PDE4D: variants seen among roughly 807,000 people sequenced by gnomAD.
PDE4D encodes the protein phosphodiesterase 4D.
Under a neutral mutation model 87.4 loss-of-function variants are expected in PDE4D, and 24 were observed. The observed-to-expected ratio is 0.27, with a 90% CI of 0.20 to 0.39. The LOEUF is 0.39. Among genes scored for constraint, PDE4D ranks in the 10% least tolerant of loss-of-function variants. PDE4D has a pLI of 1.00. For missense variants in PDE4D, 714 were observed against 1,041.0 expected, an observed-to-expected ratio of 0.69 and a Z score of 4.32; for synonymous variants, 384 against 383.2, an observed-to-expected ratio of 1.00 and a Z score of -0.02.
chr5:60,017,166 C>G (rs1386288096), intron 2 of PDE4D, among the ~76,000 whole-genome samples: 1 of 152,082 alleles, frequency 6.6e-6, no homozygotes, highest in Non-Finnish European at 1.5e-5. Flanking sequence ...ATCTCTTTTT[C>G]CTAAGCAGTA....
intron 1 of PDE4D, among the ~76,000 whole-genome samples, chr5:59,365,852 A>G (rs1246857848): frequency 6.6e-6 from 1 of 152,170 alleles, no homozygotes; most frequent in Non-Finnish European, 1.5e-5. Flanking sequence ...AAAACTGACA[A>G]ACGGTCCCTT....
intron 1 of PDE4D, among the ~76,000 whole-genome samples, chr5:60,235,752 C>G (rs1350881132): frequency 6.6e-6 from 1 of 151,930 alleles, no homozygotes; most frequent in Non-Finnish European, 1.5e-5. Flanking sequence ...GCATTACCCA[C>G]TTTCTTAATA....
At chr5:59,410,833 A>T (rs1369957106) in intron 1 of PDE4D, among the ~76,000 whole-genome samples, 1 of 152,092 alleles carries the variant, frequency 6.6e-6, no homozygotes, top group African/African-American at 2.4e-5. Context: ...TTTTTAGACA[A>T]TTTTTATAGA....
At chr5:60,180,204 A>G (rs1784265113) in intron 2 of PDE4D, among the ~76,000 whole-genome samples, 1 of 152,214 alleles carries the variant, frequency 6.6e-6, no homozygotes, top group Non-Finnish European at 1.5e-5. Flanking sequence ...GATTTAAAGC[A>G]AATGGTTGCT....
intron 5 of PDE4D, among the ~76,000 whole-genome samples, chr5:59,160,770 G>T (rs1581127794): frequency 6.6e-6 from 1 of 152,072 alleles, no homozygotes; most frequent in Non-Finnish European, 1.5e-5. Flanking sequence ...GGCGTAATAT[G>T]CCTGTGATTT....
chr5:59,492,872 C>A (rs1381067059), intron 1 of PDE4D, among the ~76,000 whole-genome samples: 1 of 152,144 alleles, frequency 6.6e-6, no homozygotes, highest in Non-Finnish European at 1.5e-5. Flanking sequence ...AGTTCCCCTG[C>A]ACAAGCTCTC....
chr5:59,300,432 T>C (rs1769992869), intron 1 of PDE4D, among the ~76,000 whole-genome samples: 1 of 152,160 alleles, frequency 6.6e-6, no homozygotes, highest in African/African-American at 2.4e-5. Context: ...GAAGATAATG[T>C]CAATTAATCA....
At chr5:59,945,535 C>G (rs981695108) in intron 3 of PDE4D, among the ~76,000 whole-genome samples, 2 of 152,182 alleles carry the variant, frequency 1.3e-5, no homozygotes, top group African/African-American at 2.4e-5. Context: ...GTGACTGAGA[C>G]AAAGATATTA....
chr5:59,941,527 CT>C (rs751313688), intron 3 of PDE4D, among the ~76,000 whole-genome samples: 67 of 152,204 alleles, frequency 4.4e-4, no homozygotes, highest in Non-Finnish European at 7.6e-4. Flanking sequence ...CTTGAGCGCA[CT>C]CTAAGGCTTG....
chr5:60,267,165 TG>T (rs1750304484), intron 1 of PDE4D, among the ~76,000 whole-genome samples: 1 of 152,058 alleles, frequency 6.6e-6, no homozygotes, highest in South Asian at 2.1e-4. Flanking sequence ...GAAATATGAT[TG>T]GGAGGAAAGG....
intron 1 of PDE4D, among the ~76,000 whole-genome samples, chr5:59,655,961 C>G (rs1580197585): frequency 6.6e-6 from 1 of 152,126 alleles, no homozygotes; most frequent in East Asian, 1.9e-4. Context: ...CGGCTATGTT[C>G]ATTTGTCCAG....
chr5:59,490,159 T>C (rs895888560), intron 1 of PDE4D, among the ~76,000 whole-genome samples: 1 of 152,200 alleles, frequency 6.6e-6, no homozygotes, highest in Non-Finnish European at 1.5e-5. Flanking sequence ...TTCTTTTTCT[T>C]TCTTCTAAAG....
chr5:60,442,410 G>C (rs559882562), intron 1 of PDE4D, among the ~76,000 whole-genome samples: 1 of 152,010 alleles, frequency 6.6e-6, no homozygotes, highest in South Asian at 2.1e-4. Flanking sequence ...TGGACACAGG[G>C]AGGGGACCAT....
chr5:60,371,149 C>A (rs916765941), intron 1 of PDE4D, among the ~76,000 whole-genome samples: 2 of 152,230 alleles, frequency 1.3e-5, no homozygotes, highest in African/African-American at 4.8e-5. Flanking sequence ...AGTGAGCTAT[C>A]AGGATCTACT....
chr5:59,887,237 C>T (rs1420949035), intron 1 of PDE4D, among the ~76,000 whole-genome samples: 3 of 151,984 alleles, frequency 2.0e-5, no homozygotes, highest in African/African-American at 7.3e-5. Flanking sequence ...TTCTCAATCT[C>T]CAAAGTGGTA....
chr5:60,229,325 G>A (rs992889861), intron 1 of PDE4D, among the ~76,000 whole-genome samples: 4 of 151,978 alleles, frequency 2.6e-5, no homozygotes, highest in African/African-American at 7.3e-5. Context: ...ATTTTAAAAC[G>A]ACAACCACAA....
intron 3 of PDE4D, among the ~76,000 whole-genome samples, chr5:59,918,626 A>G (rs1375919569): frequency 6.6e-6 from 1 of 152,110 alleles, no homozygotes; most frequent in East Asian, 1.9e-4. Context: ...GCTTGTTGTA[A>G]AGGGTCTATG....
At chr5:59,228,954 C>T (rs1349618465) in intron 1 of PDE4D, among the ~76,000 whole-genome samples, 1 of 152,002 alleles carries the variant, frequency 6.6e-6, no homozygotes, top group African/African-American at 2.4e-5. Context: ...TGAGATATTC[C>T]CATACTGGCC....
intron 1 of PDE4D, among the ~76,000 whole-genome samples, chr5:59,492,777 C>T (rs1582849908): frequency 6.6e-6 from 1 of 152,086 alleles, no homozygotes; most frequent in Non-Finnish European, 1.5e-5. Flanking sequence ...TCCTGGGAGG[C>T]AATCGAATTA....
Sources: gnomAD v4.1 joint callset for allele counts (sites outside exome capture counted in the v4.1 genomes callset) on GRCh38, gnomAD v4.1.1 for gene constraint, MANE v1.5 for transcripts, NCBI Gene and HGNC (gene_info 2026-07-23, HGNC 2026-07-21) for gene names.